The following RBPMS variants were observed in gnomAD, a reference collection of about 807,000 sequenced individuals.
RBPMS encodes RNA-binding protein with multiple splicing.
Under a neutral mutation model 26.8 loss-of-function variants are expected in RBPMS, and 7 were observed. The observed-to-expected ratio is 0.26, with a 90% CI of 0.15 to 0.49. The LOEUF (loss-of-function observed/expected upper bound fraction) is 0.49. Among genes scored for constraint, RBPMS ranks in the 20% least tolerant of loss-of-function variants. The pLI is 0.98. For missense variants in RBPMS, 186 were observed against 250.0 expected (o/e 0.74, Z 1.73); for synonymous variants, 96 against 93.3 (o/e 1.03, Z -0.17).
rs564276945 is a variant in RBPMS, at chr8:30,419,769, C to G, written c.66+34611C>G. ...TTATTTTTAAAATATGGAAATATTCCAAAATCTGAAACACATCTGGTCCCA... is the reference window on the plus strand; with the variant it reads ...TTATTTTTAAAATATGGAAATATTCGAAAATCTGAAACACATCTGGTCCCA... On this transcript the variant is annotated intron_variant, in intron 1 of 8. Coordinates refer to ENST00000397323, the MANE Select transcript of RBPMS (RefSeq NM_001008710.3). 2.6e-5 allele frequency among the ~76,000 whole-genome samples: 4 copies of G among 152,146 alleles called. No homozygotes were observed. In the East Asian group the frequency reaches 5.8e-4, roughly 22 times the overall value.
chr8:30,426,204 T>A lies in RBPMS; in HGVS notation c.66+41046T>A, dbSNP rs192713231. Among the ~76,000 whole-genome samples, 170 of 152,362 alleles carry A rather than the reference T, an allele frequency of 1.1e-3. 1 individual carries two copies. The highest frequency in any genetic ancestry group is 3.5e-3 in the African/African-American group (147 of 41,596). On this transcript the variant is annotated intron_variant, in intron 1 of 8. Coordinates refer to ENST00000397323, the MANE Select transcript of RBPMS (RefSeq NM_001008710.3). ...GTCCCACCAGGGGCCAAATTGCCCATCTGTAAATAAGGTTTCTTGTCTTCA... is the reference window on the plus strand; with the variant it reads ...GTCCCACCAGGGGCCAAATTGCCCAACTGTAAATAAGGTTTCTTGTCTTCA...
At chr8:30,497,125 C>T (rs932493255) in intron 4 of RBPMS, among the ~76,000 whole-genome samples, 6 of 152,138 alleles carry the variant, frequency 3.9e-5, no homozygotes, top group Admixed American at 3.9e-4. Context: ...AGTTTATATT[C>T]CTAACTTATG....
chr8:30,504,265 A>G (rs750356567), intron 4 of RBPMS, 21 bp from the exon 5 acceptor site: 2 of 1,613,722 alleles, frequency 1.2e-6, no homozygotes. Context: ...AACATCTTCC[A>G]TTTGTTCTCT....
intron 1 of RBPMS, among the ~76,000 whole-genome samples, chr8:30,469,721 C>T (rs1816880452): frequency 6.6e-6 from 1 of 152,250 alleles, no homozygotes; most frequent in Admixed American, 6.5e-5. Flanking sequence ...TGCTGGTAAA[C>T]TAAGGGCTGC....
Position 30,571,923 on chromosome 8 carries a change from C to A in RBPMS, c.*1398C>A, listed in dbSNP as rs1035726226. ...GTTGAAAATTTCAATGTCATGATTA[C>A]CTGGTTGGTTTGGGTTTTTGTTTTG... On this transcript the variant is annotated 3_prime_UTR_variant, in exon 9 of 9. Coordinates refer to ENST00000397323, the MANE Select transcript of RBPMS (RefSeq NM_001008710.3). 3.3e-5 allele frequency: 5 copies of A among 152,156 alleles called. No homozygotes were observed. Among genetic ancestry groups the A allele is most frequent in the African/African-American group, 1.2e-4 (5 of 41,432 alleles). 9.4% of individuals were successfully genotyped at this position (152,156 alleles called of 1,614,324 possible).
In RBPMS at chr8:30,558,772, T is replaced by A. The variant is rs777843000; in HGVS notation, c.529-115T>A. 8 of 864,436 alleles carry A rather than the reference T, an allele frequency of 9.3e-6. No individual in the cohort carries two copies. In the South Asian group the frequency reaches 1.1e-4, roughly 12 times the overall value. 53.5% of individuals were successfully genotyped at this position (864,436 alleles called of 1,614,324 possible). A position where few individuals can be genotyped will look rare whatever the true frequency, so the allele number is the denominator to read the frequency against. The stretch of plus-strand genomic sequence containing the variant: ...TGGGGAAGAGGCCCTCACAGGCTAG[T>A]GTGAGTGGGTACCATCTTGGAACAG... On this transcript the variant is annotated intron_variant, in intron 6 of 8. Transcript: ENST00000397323.
chr8:30,387,874 G>T lies in RBPMS; in HGVS notation c.66+2716G>T, dbSNP rs560075835. Among the ~76,000 whole-genome samples the T allele has an allele frequency of 1.1e-4, 16 of 152,188 alleles. No homozygotes were observed. The East Asian group carries it at 3.1e-3, about 29-fold the overall frequency. ...ATAATTGTGCTGAAATGCCTCTTTG[G>T]TTCTAATTGTGTAGAATGAACAGTT... On this transcript the variant is annotated intron_variant, in intron 1 of 8. Coordinates refer to ENST00000397323, the MANE Select transcript of RBPMS (RefSeq NM_001008710.3).
intron 4 of RBPMS, among the ~76,000 whole-genome samples, chr8:30,484,925 A>G (rs1170994516): frequency 6.6e-6 from 1 of 152,260 alleles, no homozygotes; most frequent in Non-Finnish European, 1.5e-5. Context: ...ACAATTAGAT[A>G]TAATTAATTC....
intron 1 of RBPMS, among the ~76,000 whole-genome samples, chr8:30,448,285 C>T (rs1051565982): frequency 6.6e-6 from 1 of 152,276 alleles, no homozygotes; most frequent in Non-Finnish European, 1.5e-5. Flanking sequence ...TAACATTAAG[C>T]ATGTGTGAGG....
intron 1 of RBPMS, among the ~76,000 whole-genome samples, chr8:30,430,245 T>TGG: frequency 6.6e-6 from 1 of 152,136 alleles, no homozygotes; most frequent in South Asian, 2.1e-4. Context: ...GATGGATGGA[T>TGG]AGATAAATAA....
chr8:30,430,088 G>T (rs1585430958), intron 1 of RBPMS, among the ~76,000 whole-genome samples: 2 of 152,170 alleles, frequency 1.3e-5, no homozygotes, highest in South Asian at 4.2e-4. Context: ...ACCAGCCTGG[G>T]CAATATGGTG....
chr8:30,417,493 T>C (rs919034455), intron 1 of RBPMS, among the ~76,000 whole-genome samples: 2 of 152,194 alleles, frequency 1.3e-5, no homozygotes, highest in Admixed American at 6.5e-5. Context: ...ATTTTTCTGT[T>C]TTTGAAAAAT....
intron 1 of RBPMS, among the ~76,000 whole-genome samples, chr8:30,472,779 T>TA (rs1817274938): frequency 1.3e-5 from 2 of 152,124 alleles, no homozygotes; most frequent in African/African-American, 4.8e-5. Flanking sequence ...TGAAAAGTGT[T>TA]AGGAATCTAG....
chr8:30,544,074 C>T (rs746259496), intron 5 of RBPMS, among the ~76,000 whole-genome samples: 20 of 152,196 alleles, frequency 1.3e-4, no homozygotes, highest in South Asian at 4.2e-4. Context: ...GAGGCCCTGC[C>T]GTTAAGCCAT....
At chr8:30,484,643 A>G (rs978350676) in intron 4 of RBPMS, among the ~76,000 whole-genome samples, 1 of 152,196 alleles carries the variant, frequency 6.6e-6, no homozygotes, top group Non-Finnish European at 1.5e-5. Flanking sequence ...TTTCTTGACT[A>G]TTGAAAAATT....
chr8:30,499,189 CA>C (rs1820297781), intron 4 of RBPMS, among the ~76,000 whole-genome samples: 1 of 152,050 alleles, frequency 6.6e-6, no homozygotes, highest in Admixed American at 6.6e-5. Flanking sequence ...ATTGCTTAAA[CA>C]CAGGAGGTGG....
intron 6 of RBPMS, among the ~76,000 whole-genome samples, chr8:30,545,962 T>C (rs2151052595): frequency 6.6e-6 from 1 of 152,312 alleles, no homozygotes; most frequent in Middle Eastern, 3.4e-3. Context: ...ACCTGTGCCT[T>C]TGGCTTCTCC....
chr8:30,551,871 T>TA (rs1291294246), intron 6 of RBPMS, among the ~76,000 whole-genome samples: 1 of 152,210 alleles, frequency 6.6e-6, no homozygotes, highest in Non-Finnish European at 1.5e-5. Context: ...TCCTCATCTA[T>TA]AAATGGGAAG....
chr8:30,446,854 C>CGT (rs1554515795), intron 1 of RBPMS: 30 of 138,002 alleles, frequency 2.2e-4, no homozygotes, highest in African/African-American at 7.6e-4. Flanking sequence ...CGCGCGCGCG[C>CGT]GCGCGGTGGA....
Sources: allele counts gnomAD v4.1 joint callset (sites outside exome capture counted in the v4.1 genomes callset), GRCh38; gene constraint gnomAD v4.1.1; transcripts MANE v1.5; gene names NCBI Gene and HGNC (gene_info 2026-07-23, HGNC 2026-07-21).